Variants in WNT5B observed in about 807,000 individuals in gnomAD.
WNT5B encodes Wnt family member 5B.
Under a neutral mutation model 36.5 loss-of-function variants are expected in WNT5B, and 18 were observed. The observed-to-expected ratio is 0.49, with a 90% CI of 0.34 to 0.73. The LOEUF (loss-of-function observed/expected upper bound fraction) is 0.73, where lower values mean the gene tolerates loss of function less well. WNT5B is among the 30% of genes least tolerant of loss of function. The pLI is 0.01. For missense variants in WNT5B, 424 were observed against 508.4 expected (o/e 0.83, Z 1.60); for synonymous variants, 213 against 212.3 (o/e 1.00, Z -0.03).
chr12:1,636,583 C>T (rs1265184911), intron 3 of WNT5B, among the ~76,000 whole-genome samples: 1 of 141,226 alleles, frequency 7.1e-6, no homozygotes, highest in Non-Finnish European at 1.5e-5. Flanking sequence ...CTCTGCTCCC[C>T]AGGCTGGAGT....
upstream of WNT5B, among the ~76,000 whole-genome samples, chr12:1,625,956 C>T (rs1351724045): frequency 6.6e-6 from 1 of 151,634 alleles, no homozygotes; most frequent in Non-Finnish European, 1.5e-5. Flanking sequence ...AGCCACCGCA[C>T]CCTGCCTGTT....
intron 1 of WNT5B, among the ~76,000 whole-genome samples, chr12:1,623,187 G>GTGTT (rs2094536311): frequency 3.4e-5 from 2 of 58,366 alleles, no homozygotes; most frequent in Non-Finnish European, 6.3e-5. Context: ...GTTTTTTGTT[G>GTGTT]TTTTTTTTTT....
Position 1,639,775 on chromosome 12 carries a change from C to T in WNT5B, c.420C>T (p.Thr140=), listed in dbSNP as rs375562905. The T allele has an allele frequency of 1.9e-5, 31 of 1,609,858 alleles. No homozygotes were observed. In the African/African-American group the frequency reaches 3.5e-4, roughly 18 times the overall value. Residue 140 remains threonine (T), a synonymous_variant, in exon 4 of 5, where the codon ACC becomes ACT. Transcript: ENST00000397196. ...SRACREGELS[T]CGCSRTARPK... is the part of the protein sequence containing the mutation. ...CCTGCCGCGAGGGCGAGCTCTCCAC[C>T]TGCGGCTGCAGCCGGACGGCGCGGC...
At chr12:1,626,554 C>T (rs1425439954), upstream of WNT5B, among the ~76,000 whole-genome samples, 1 of 150,706 alleles carries the variant, frequency 6.6e-6, no homozygotes, top group East Asian at 1.9e-4. Flanking sequence ...TGAGCCACTA[C>T]TCCAGGCCAA....
rs2094553925 is a variant in WNT5B, at chr12:1,633,008, C to T, written c.328+103C>T. The stretch of plus-strand genomic sequence containing the variant: ...TGGCACAGGGAGAGCCCAAAGGCAG[C>T]CTAAGTGGGCTCTCTCTAGGCTTGG... On this transcript the variant is annotated intron_variant, in intron 3 of 4. Transcript: ENST00000397196. This position sits in a 1 kb window ranked among gnomAD's most constrained non-coding sequence, Gnocchi z 4.8. The T allele has an allele frequency of 2.0e-6, 3 of 1,481,984 alleles. No individual in the cohort carries two copies. Among genetic ancestry groups the T allele is most frequent in the African/African-American group, 1.4e-5 (1 of 71,506 alleles). The allele number at this position is 1,481,984 out of a possible 1,614,324, so 91.8% of individuals were successfully genotyped here. A position where few individuals can be genotyped will look rare whatever the true frequency, so the allele number is the denominator to read the frequency against.
chr12:1,641,183 G>C (rs2240508), intron 4 of WNT5B, among the ~76,000 whole-genome samples: 97,917 of 151,948 alleles, frequency 0.64, 31,906 homozygotes, highest in East Asian at 0.74. Flanking sequence ...CCAGGAGTTC[G>C]AGACCAGCCT....
At chr12:1,622,107 C>CTTTTT (rs35497935) in intron 1 of WNT5B, among the ~76,000 whole-genome samples, 4 of 99,060 alleles carry the variant, frequency 4.0e-5, no homozygotes, top group Non-Finnish European at 5.9e-5. Flanking sequence ...TCTGACACTT[C>CTTTTT]TTTTTTTTTT....
Position 1,632,538 on chromosome 12 carries a change from TC to T in WNT5B, c.81-118del, listed in dbSNP as rs1003006753. ...GCACTCTGATTTACTAATTTTTCTT[TC>T]CAGGGCCTTGTACACAGGGACGCAT... On this transcript the variant is annotated intron_variant, in intron 2 of 4. Transcript: ENST00000397196. This position sits in a 1 kb window ranked among gnomAD's most constrained non-coding sequence, Gnocchi z 5.8. 4.2e-6 allele frequency: 6 copies of T among 1,418,094 alleles called. No homozygotes were observed. In the African/African-American group the frequency reaches 8.6e-5, roughly 20 times the overall value. The allele number at this position is 1,418,094 out of a possible 1,614,324, so 87.8% of individuals were successfully genotyped here. A position where few individuals can be genotyped will look rare whatever the true frequency, so the allele number is the denominator to read the frequency against.
intron 3 of WNT5B, among the ~76,000 whole-genome samples, chr12:1,634,334 A>G (rs2094556534): frequency 6.6e-6 from 1 of 152,230 alleles, no homozygotes; most frequent in Admixed American, 6.5e-5. Context: ...AGGACGGCCC[A>G]GGTGCAGAGT....
At chr12:1,622,141 C>G (rs1200729443) in intron 1 of WNT5B, among the ~76,000 whole-genome samples, 1 of 142,544 alleles carries the variant, frequency 7.0e-6, no homozygotes, top group South Asian at 2.2e-4. Context: ...GACGGAGTCT[C>G]GCTCTGTCGC....
At chr12:1,639,545 A>T in intron 3 of WNT5B, 139 bp from the exon 4 acceptor site, 1 of 873,946 alleles carries the variant, frequency 1.1e-6, no homozygotes, top group Non-Finnish European at 1.6e-6. Flanking sequence ...CAAGCGTTAG[A>T]GCTACGGGAA....
Position 1,639,958 on chromosome 12 carries a change from C to A in WNT5B, c.603C>A (p.Asn201Lys), listed in dbSNP as rs1364248261. 1 of 1,613,232 alleles carries A rather than the reference C, an allele frequency of 6.2e-7. No individual in the cohort carries two copies. The highest frequency in any genetic ancestry group is 1.3e-5 in the African/African-American group (1 of 74,982). ...GCCGGGTGCTCATGAACCTGCAAAA[C>A]AACGAGGCCGGTCGCAGGGTAAGCT... ...EQGRVLMNLQNNEAGRRAVYK... is the reference protein window; with the variant it reads ...EQGRVLMNLQKNEAGRRAVYK... Residue 201 changes from asparagine to lysine, a missense_variant, in exon 4 of 5, where the codon AAC becomes AAA. By Grantham distance (94) the Asn-to-Lys change is moderately conservative. Transcript: ENST00000397196.
intron 3 of WNT5B, among the ~76,000 whole-genome samples, chr12:1,637,581 CAAAAAA>C (rs61542245): frequency 2.7e-5 from 3 of 110,400 alleles, no homozygotes; most frequent in African/African-American, 1.0e-4. Context: ...ACTAAACATA[CAAAAAA>C]AAAAAAAAAA....
chr12:1,636,302 C>G (rs563408738), intron 3 of WNT5B, among the ~76,000 whole-genome samples: 4 of 151,944 alleles, frequency 2.6e-5, no homozygotes, highest in African/African-American at 9.7e-5. Context: ...CACCGCTCCA[C>G]AGAGAAACTG....
In WNT5B at chr12:1,630,260, G is replaced by A. The variant is rs2094547893; in HGVS notation, c.-58+889G>A. 1.0e-6 allele frequency: 1 copy of A among 983,854 alleles called. No individual in the cohort carries two copies. The highest frequency in any genetic ancestry group is 1.7e-5 in the African/African-American group (1 of 57,208). 60.9% of individuals were successfully genotyped at this position (983,854 alleles called of 1,614,324 possible). ...CCCCGGGGAGGCCGCTGGGGGCGCG[G>A]GTCACGCCCAGACGGGGGCCCCGGA... On this transcript the variant is annotated intron_variant, in intron 1 of 4. Transcript: ENST00000397196. This position sits in a 1 kb window ranked among gnomAD's most constrained non-coding sequence, Gnocchi z 5.3.
In WNT5B at chr12:1,632,031, C is replaced by T. The variant is rs2094551909; in HGVS notation, c.80+597C>T. On this transcript the variant is annotated intron_variant, in intron 2 of 4. Coordinates refer to ENST00000397196, the MANE Select transcript of WNT5B (RefSeq NM_032642.3). The surrounding 1 kb of genome is among the most constrained non-coding windows in gnomAD (Gnocchi z 5.8). The stretch of plus-strand genomic sequence containing the variant: ...GGTAGATGATGAGCAAAAGGGAGAG[C>T]CTCTGAACTGGTGGAGAGTGGATGA... 6.6e-6 allele frequency among the ~76,000 whole-genome samples: 1 copy of T among 152,122 alleles called. No individual in the cohort carries two copies. Among genetic ancestry groups the T allele is most frequent in the South Asian group, 2.1e-4 (1 of 4,826 alleles).
At chr12:1,634,820 G>C (rs113413696) in intron 3 of WNT5B, among the ~76,000 whole-genome samples, 1 of 152,132 alleles carries the variant, frequency 6.6e-6, no homozygotes, top group African/African-American at 2.4e-5. Context: ...GCCTCGGCCC[G>C]TTGCCCAGCT....
upstream of WNT5B, among the ~76,000 whole-genome samples, chr12:1,626,689 T>C (rs1183951636): frequency 1.3e-5 from 2 of 152,010 alleles, no homozygotes; most frequent in East Asian, 1.9e-4. Flanking sequence ...CTCAGCCTCC[T>C]GAGTAGCTGG....
chr12:1,636,497 CTA>C (rs56095993), intron 3 of WNT5B, among the ~76,000 whole-genome samples: 2,496 of 80,720 alleles, frequency 0.031, 40 homozygotes, highest in African/African-American at 0.038. Flanking sequence ...GTGTTGCAGT[CTA>C]TATATATATA....
Sources: gnomAD v4.1 joint callset for allele counts (sites outside exome capture counted in the v4.1 genomes callset) on GRCh38, gnomAD v4.1.1 for gene constraint, Gnocchi (gnomAD v3.1) non-coding constraint, MANE v1.5 for transcripts, NCBI Gene and HGNC (gene_info 2026-07-23, HGNC 2026-07-21) for gene names.